Variants in TTC22 observed in about 807,000 individuals in gnomAD.
The protein encoded by TTC22 is tetratricopeptide repeat protein 22.
In TTC22, 42 loss-of-function variants were observed where a neutral mutation model predicts 48.2. The ratio of observed to expected loss-of-function variants is 0.87; its 90% CI spans 0.68 to 1.13. The LOEUF is 1.13. Ranked by LOEUF, TTC22 falls within the 50% of genes most tolerant of loss-of-function variation. TTC22 has a pLI of 0.00. For synonymous variants in TTC22, 345 were observed against 365.5 expected, an observed-to-expected ratio of 0.94 and a Z score of 0.64; for missense variants, 784 against 807.0, an observed-to-expected ratio of 0.97 and a Z score of 0.34.
intron 1 of TTC22, among the ~76,000 whole-genome samples, chr1:54,794,417 T>C (rs1324698944): frequency 2.0e-5 from 3 of 152,196 alleles, no homozygotes; most frequent in Admixed American, 2.0e-4. Context: ...AGCTTGGCTA[T>C]TTTAAGTTAT....
chr1:54,787,183 A>G, intron 3 of TTC22, 108 bp from the exon 4 acceptor site: 1 of 594,068 alleles, frequency 1.7e-6, no homozygotes, highest in East Asian at 3.1e-5. Flanking sequence ...AAGGGATAGT[A>G]GAGTGGGATC....
Position 54,801,192 on chromosome 1 carries a change from C to A in TTC22, c.-29G>T, listed in dbSNP as rs143736998. On this transcript the variant is annotated 5_prime_UTR_variant, in exon 1 of 7. Coordinates refer to ENST00000371276, the MANE Select transcript of TTC22 (RefSeq NM_001114108.2). ...TGCTCCCTCTGCTCCCCTGGCCTCACCCTTGTCCCTGAGGCTGTGGAGGGC... is the reference window on the plus strand; with the variant it reads ...TGCTCCCTCTGCTCCCCTGGCCTCAACCTTGTCCCTGAGGCTGTGGAGGGC... 1.2e-6 allele frequency: 2 copies of A among 1,602,182 alleles called. No individual in the cohort carries two copies. The highest frequency in any genetic ancestry group is 1.7e-6 in the Non-Finnish European group (2 of 1,172,052).
intron 1 of TTC22, among the ~76,000 whole-genome samples, chr1:54,796,156 G>A (rs1383362911): frequency 1.3e-5 from 2 of 152,254 alleles, no homozygotes; most frequent in Non-Finnish European, 2.9e-5. Context: ...TCAGAATTGT[G>A]GAGTCGTGTG....
In TTC22 at chr1:54,800,617, C is replaced by A. The variant is rs774786488; in HGVS notation, c.547G>T (p.Ala183Ser). The A allele has an allele frequency of 1.3e-6, 2 of 1,543,530 alleles. No homozygotes were observed. The highest frequency in any genetic ancestry group is 8.6e-7 in the Non-Finnish European group (1 of 1,157,828). Residue 183 changes from alanine to serine, a missense_variant, in exon 1 of 7, where the codon GCG (alanine) becomes TCG (serine). By Grantham distance (99) the Ala-to-Ser change is moderately conservative. Transcript: ENST00000371276. ...LAAGIALYDK[A>S]LGYGQQIPME... ...CCTACCTGCTGCCCGTAGCCTAGCG[C>A]CTTGTCGTAGAGCGCGATGCCTGCC...
At chr1:54,797,485 C>T (rs1646401126) in intron 1 of TTC22, among the ~76,000 whole-genome samples, 1 of 152,056 alleles carries the variant, frequency 6.6e-6, no homozygotes, top group Non-Finnish European at 1.5e-5. Context: ...CCAGTCTCTA[C>T]AAAAATACAA....
chr1:54,800,287 G>A lies in TTC22; in HGVS notation c.567+310C>T, dbSNP rs143394598. Among the ~76,000 whole-genome samples, 760 of 152,282 alleles carry A rather than the reference G, an allele frequency of 5.0e-3. 2 individuals are homozygous for A. Among genetic ancestry groups the A allele is most frequent in the African/African-American group, 0.016 (656 of 41,560 alleles). On this transcript the variant is annotated intron_variant, in intron 1 of 6. Transcript: ENST00000371276. ...CTGTGCCTTTTACTTAGGTGGGTGT[G>A]CACAGGCGCAGGAACAGGCACTTGC...
intron 6 of TTC22, 29 bp downstream of exon 6, chr1:54,782,296 C>G: frequency 6.6e-7 from 1 of 1,505,368 alleles, no homozygotes; most frequent in Non-Finnish European, 8.9e-7. Context: ...TCTTGCTCAG[C>G]TATTGGCTAA....
chr1:54,797,724 T>G (rs945627420), intron 1 of TTC22, among the ~76,000 whole-genome samples: 1 of 152,254 alleles, frequency 6.6e-6, no homozygotes, highest in Non-Finnish European at 1.5e-5. Flanking sequence ...CTGATTATGT[T>G]TGGATTACGG....
intron 1 of TTC22, among the ~76,000 whole-genome samples, chr1:54,797,449 G>C (rs1646400851): frequency 6.6e-6 from 1 of 152,182 alleles, no homozygotes; most frequent in South Asian, 2.1e-4. Flanking sequence ...AGGAGTTCAA[G>C]ACCAGCCTGG....
At chr1:54,782,210 T>G in intron 6 of TTC22, 115 bp downstream of exon 6, 1 of 1,055,800 alleles carries the variant, frequency 9.5e-7, no homozygotes, top group Non-Finnish European at 1.3e-6. Context: ...AGATGGGTAC[T>G]GTTATCAGGG....
Position 54,795,977 on chromosome 1 carries a change from A to G in TTC22, c.567+4620T>C, listed in dbSNP as rs79265268. ...CACACGTGCCCTTGGGCAAGACACA[A>G]CGCCTCTCTGTGCCTTAGTTTGCTG... On this transcript the variant is annotated intron_variant, in intron 1 of 6. Coordinates refer to ENST00000371276, the MANE Select transcript of TTC22 (RefSeq NM_001114108.2). 5.3e-3 allele frequency among the ~76,000 whole-genome samples: 807 copies of G among 152,346 alleles called. 27 individuals are homozygous for G. In the East Asian group the frequency reaches 0.063, roughly 12 times the overall value.
chr1:54,791,026 G>A (rs112340775), intron 1 of TTC22, among the ~76,000 whole-genome samples: 1,933 of 152,096 alleles, frequency 0.013, 37 homozygotes, highest in African/African-American at 0.044. Context: ...CACCCGACTA[G>A]TTTTTGTATT....
Position 54,800,810 on chromosome 1 carries a change from C to T in TTC22, c.354G>A (p.Glu118=). 9 of 1,588,308 alleles carry T rather than the reference C, an allele frequency of 5.7e-6. No individual in the cohort carries two copies. Among genetic ancestry groups the T allele is most frequent in the Non-Finnish European group, 6.8e-6 (8 of 1,168,988 alleles). Residue 118 remains glutamate (E), a synonymous_variant, in exon 1 of 7, where the codon GAG becomes GAA. Transcript: ENST00000371276. ...CCAGCCGTGCGGCGCACGCCTCCTC[C>T]TCTTCTTCCTGGCCCAGCCGCCCGT... ...HVYGRLGQEE[E]EEACAARLAD...
In TTC22 at chr1:54,788,026, C is replaced by T. The variant is rs753536681; in HGVS notation, c.623+16G>A. 1.9e-6 allele frequency: 3 copies of T among 1,613,192 alleles called. No homozygotes were observed. Among genetic ancestry groups the T allele is most frequent in the Admixed American group, 3.3e-5 (2 of 59,994 alleles). ...TCCCTCTTCCATCCCGTACCCCCAC[C>T]ACCCTCTTGCCTGACCTGATGTAGA... is the stretch of plus-strand genomic sequence containing the variant. On this transcript the variant is annotated intron_variant, in intron 2 of 6. Coordinates refer to ENST00000371276, the MANE Select transcript of TTC22 (RefSeq NM_001114108.2).
In TTC22 at chr1:54,779,783, GAA is replaced by G. The variant is rs961956182; in HGVS notation, c.*1458_*1459del. ...GTGAAAGTTTGTGGTACAGTGTGGG[GAA>G]AACAGTAAGTGTGGCTTTGGGCAAG... On this transcript the variant is annotated 3_prime_UTR_variant, in exon 7 of 7. Coordinates refer to ENST00000371276, the MANE Select transcript of TTC22 (RefSeq NM_001114108.2). 5 of 152,180 alleles carry G rather than the reference GAA, an allele frequency of 3.3e-5. No homozygotes were observed. The highest frequency in any genetic ancestry group is 6.5e-5 in the Admixed American group (1 of 15,284). 9.4% of individuals were successfully genotyped at this position (152,180 alleles called of 1,614,324 possible). A position where few individuals can be genotyped will look rare whatever the true frequency, so the allele number is the denominator to read the frequency against.
At chr1:54,785,274 A>G in intron 5 of TTC22, 1 of 269,756 alleles carries the variant, frequency 3.7e-6, no homozygotes, top group Non-Finnish European at 7.3e-6. Flanking sequence ...TTTAGATGCT[A>G]CCTCACTGTG....
At chr1:54,784,765 G>A (rs1434337694) in intron 5 of TTC22, 1 of 1,296,562 alleles carries the variant, frequency 7.7e-7, no homozygotes, top group African/African-American at 1.5e-5. Flanking sequence ...ATGAGGGGAT[G>A]GGAGGACTCT....
intron 4 of TTC22, 135 bp from the exon 5 acceptor site, chr1:54,786,279 C>T: frequency 1.4e-6 from 1 of 739,324 alleles, no homozygotes; most frequent in Non-Finnish European, 2.2e-6. Flanking sequence ...CATATCCACC[C>T]TTATCCACCT....
At chr1:54,785,615 G>A (rs551312952) in intron 5 of TTC22, 6 of 439,134 alleles carry the variant, frequency 1.4e-5, no homozygotes, top group African/African-American at 8.1e-5. Context: ...AGTTTGAGAC[G>A]AGTCTGGGCA....
Sources: allele counts gnomAD v4.1 joint callset (sites outside exome capture counted in the v4.1 genomes callset), GRCh38; gene constraint gnomAD v4.1.1; transcripts MANE v1.5; gene names NCBI Gene and HGNC (gene_info 2026-07-23, HGNC 2026-07-21).